The following FSTL4 variants were observed in gnomAD, a reference collection of about 807,000 sequenced individuals.
FSTL4 encodes the protein follistatin-related protein 4.
Under a neutral mutation model 78.2 loss-of-function variants are expected in FSTL4, and 28 were observed. That is an observed-to-expected ratio of 0.36 (90% CI 0.27 to 0.49). The LOEUF is 0.49. Among genes scored for constraint, FSTL4 ranks in the 20% least tolerant of loss-of-function variants. The pLI, the probability that FSTL4 is intolerant of heterozygous loss-of-function variation, is 0.98. For missense variants in FSTL4, 922 were observed against 1,084.9 expected (o/e 0.85, Z 2.11); for synonymous variants, 422 against 440.5 (o/e 0.96, Z 0.53).
intron 3 of FSTL4, among the ~76,000 whole-genome samples, chr5:133,516,100 A>C (rs1358020619): frequency 6.6e-6 from 1 of 152,196 alleles, no homozygotes; most frequent in Admixed American, 6.5e-5. Flanking sequence ...GTTCAGTGAT[A>C]ATTTACCAAT....
chr5:133,493,833 T>C (rs1758318455), intron 3 of FSTL4, among the ~76,000 whole-genome samples: 1 of 152,204 alleles, frequency 6.6e-6, no homozygotes, highest in African/African-American at 2.4e-5. Flanking sequence ...TATGTTTGGA[T>C]TGAGGAGAAT....
At chr5:133,304,802 G>A (rs574499085) in intron 6 of FSTL4, among the ~76,000 whole-genome samples, 31 of 152,202 alleles carry the variant, frequency 2.0e-4, no homozygotes, top group Non-Finnish European at 4.1e-4. Flanking sequence ...ATCAGTTCTG[G>A]TTCAGAATTG....
chr5:133,753,808 T>C, the FSTL4 span, among the ~76,000 whole-genome samples: 1 of 151,688 alleles, frequency 6.6e-6, no homozygotes, highest in Non-Finnish European at 1.5e-5. Context: ...AGGTAGTGAG[T>C]GGCTGTCTGG....
At chr5:133,336,866 C>A (rs147093100) in intron 4 of FSTL4, among the ~76,000 whole-genome samples, 1 of 152,162 alleles carries the variant, frequency 6.6e-6, no homozygotes, top group Non-Finnish European at 1.5e-5. Context: ...AGAGTGAGCA[C>A]CATTTCCATG....
intron 3 of FSTL4, among the ~76,000 whole-genome samples, chr5:133,507,167 C>A (rs562991178): frequency 6.6e-6 from 1 of 152,268 alleles, no homozygotes; most frequent in South Asian, 2.1e-4. Flanking sequence ...GAGATCACGC[C>A]ACTGCCCTTC....
intron 4 of FSTL4, among the ~76,000 whole-genome samples, chr5:133,381,638 G>A (rs933635392): frequency 1.2e-4 from 18 of 152,164 alleles, no homozygotes; most frequent in African/African-American, 4.1e-4. Context: ...TTGTCTTCAC[G>A]ATCATTCTTT....
intron 4 of FSTL4, among the ~76,000 whole-genome samples, chr5:133,341,152 G>A (rs78050091): frequency 0.014 from 2,066 of 150,856 alleles, 68 homozygotes; most frequent in African/African-American, 0.047. Flanking sequence ...ACCTCCCTTC[G>A]AAACTAAGAG....
intron 4 of FSTL4, among the ~76,000 whole-genome samples, chr5:133,342,385 T>C (rs949076714): frequency 2.6e-5 from 4 of 152,164 alleles, no homozygotes; most frequent in African/African-American, 9.7e-5. Context: ...ACTGTGCCTC[T>C]GCCAAAGCAA....
At chr5:133,345,155 TTC>T (rs1438906066) in intron 4 of FSTL4, among the ~76,000 whole-genome samples, 2 of 152,136 alleles carry the variant, frequency 1.3e-5, no homozygotes, top group Non-Finnish European at 2.9e-5. Context: ...GAAATCTCAT[TTC>T]TTGTATACTG....
the FSTL4 span, among the ~76,000 whole-genome samples, chr5:133,706,398 C>A: frequency 3.3e-5 from 5 of 152,174 alleles, no homozygotes; most frequent in African/African-American, 1.2e-4. Flanking sequence ...AAAGGATGTT[C>A]TGGTTCATTA....
chr5:133,315,503 T>C (rs1333465746), intron 5 of FSTL4, among the ~76,000 whole-genome samples: 1 of 152,224 alleles, frequency 6.6e-6, no homozygotes, highest in Non-Finnish European at 1.5e-5. Context: ...GCCACAGCCT[T>C]GAGAAGGTCC....
intron 3 of FSTL4, among the ~76,000 whole-genome samples, chr5:133,487,940 T>G (rs1758171066): frequency 6.6e-6 from 1 of 152,196 alleles, no homozygotes; most frequent in South Asian, 2.1e-4. Context: ...TTGCCATCTT[T>G]AGAACCAAGC....
chr5:133,427,578 G>A lies in FSTL4; in HGVS notation c.161-26592C>T, dbSNP rs372200507. On this transcript the variant is annotated intron_variant, in intron 3 of 15. Coordinates refer to ENST00000265342, the MANE Select transcript of FSTL4 (RefSeq NM_015082.2). ...TCCAGCAATTAGTGCACGCAATGGC[G>A]GGGGGAAGGGCGGGAATGGCGGGGG... is the stretch of plus-strand genomic sequence containing the variant. 18 of 511,256 alleles carry A rather than the reference G, an allele frequency of 3.5e-5. No homozygotes were observed. The East Asian group carries it at 3.9e-4, about 11-fold the overall frequency. 31.7% of individuals were successfully genotyped at this position (511,256 alleles called of 1,614,324 possible).
At chr5:133,527,030 G>T (rs113290236) in intron 3 of FSTL4, among the ~76,000 whole-genome samples, 2 of 152,278 alleles carry the variant, frequency 1.3e-5, no homozygotes, top group African/African-American at 4.8e-5. Context: ...GATGAATCCT[G>T]AGTGCAGCCC....
intron 12 of FSTL4, 85 bp from the exon 13 acceptor site, chr5:133,217,463 CTG>C (rs1426564172): frequency 7.9e-7 from 1 of 1,259,100 alleles, no homozygotes; most frequent in African/African-American, 1.5e-5. Flanking sequence ...TGACCCTCCT[CTG>C]TGCCTTTCTT....
At chr5:133,337,544 T>C (rs1754492173) in intron 4 of FSTL4, among the ~76,000 whole-genome samples, 1 of 152,174 alleles carries the variant, frequency 6.6e-6, no homozygotes, top group Admixed American at 6.5e-5. Flanking sequence ...AATGACTTCC[T>C]AGAGCTAATG....
chr5:133,823,229 C>A, the FSTL4 span, among the ~76,000 whole-genome samples: 1 of 152,168 alleles, frequency 6.6e-6, no homozygotes, highest in Non-Finnish European at 1.5e-5. Flanking sequence ...CAATCAGCTC[C>A]TCTCAAAAGT....
intron 6 of FSTL4, among the ~76,000 whole-genome samples, chr5:133,305,278 C>T (rs538703769): frequency 6.6e-6 from 1 of 152,266 alleles, no homozygotes; most frequent in African/African-American, 2.4e-5. Context: ...TGGGGAGGGT[C>T]CCCCTCACAG....
In FSTL4 at chr5:133,337,013, C is replaced by G. The variant is rs1277217418; in HGVS notation, c.410-20361G>C. On this transcript the variant is annotated intron_variant, in intron 4 of 15. Coordinates refer to ENST00000265342, the MANE Select transcript of FSTL4 (RefSeq NM_015082.2). ...GAATGATGAATGATTTGCCCTATCA[C>G]AGCAACACACCCCTGTCTCGGGAAC... Among the ~76,000 whole-genome samples, 3 of 152,218 alleles carry G rather than the reference C, an allele frequency of 2.0e-5. No individual in the cohort carries two copies. The East Asian group carries it at 5.8e-4, about 29-fold the overall frequency.
Sources: gnomAD v4.1 joint callset for allele counts (sites outside exome capture counted in the v4.1 genomes callset) on GRCh38, gnomAD v4.1.1 for gene constraint, MANE v1.5 for transcripts, NCBI Gene and HGNC (gene_info 2026-07-23, HGNC 2026-07-21) for gene names.